Variants in QTRT1 observed in about 807,000 individuals in gnomAD.
QTRT1 encodes the protein TGT, 43-KD subunit.
In QTRT1, 41 loss-of-function variants were observed where a neutral mutation model predicts 44.0. That is an observed-to-expected ratio of 0.93 (90% CI 0.73 to 1.21). The LOEUF (loss-of-function observed/expected upper bound fraction) is 1.21, where lower values mean the gene tolerates loss of function less well. Among genes scored for constraint, QTRT1 ranks in the 50% most tolerant of loss-of-function variants. The pLI is 0.00. For missense variants in QTRT1, 542 were observed against 575.8 expected (o/e 0.94, Z 0.60); for synonymous variants, 226 against 237.1 (o/e 0.95, Z 0.43).
Position 10,713,331 on chromosome 19 carries a change from A to T in QTRT1, c.*61A>T. ...GGGAGGGGCTGGAAGATACTGAAGG[A>T]TTCCTTTTTGAAAGGTTTTTTTTAT... On this transcript the variant is annotated 3_prime_UTR_variant, in exon 10 of 10. Transcript: ENST00000250237. This position sits in a 1 kb window ranked among gnomAD's most constrained non-coding sequence, Gnocchi z 4.3. 1.9e-6 allele frequency: 3 copies of T among 1,568,514 alleles called. No homozygotes were observed. The highest frequency in any genetic ancestry group is 2.6e-6 in the Non-Finnish European group (3 of 1,155,984).
In QTRT1 at chr19:10,701,641, C is replaced by G. The variant is rs1279237800; in HGVS notation, c.181C>G (p.Gln61Glu). 2 of 1,600,180 alleles carry G rather than the reference C, an allele frequency of 1.2e-6. No individual in the cohort carries two copies. Among genetic ancestry groups the G allele is most frequent in the Admixed American group, 1.7e-5 (1 of 58,248 alleles). Residue 61 changes from glutamine (Q) to glutamate (E), a missense_variant, in exon 1 of 10, where the codon CAG becomes GAG. By Grantham distance (29) the Gln-to-Glu change is conservative. Coordinates refer to ENST00000250237, the MANE Select transcript of QTRT1 (RefSeq NM_031209.3). ...CACCATGAAGGGCATCACGACCGAA[C>G]AGCTGGACGCTCTGGGTTGCCGCAT... is the stretch of plus-strand genomic sequence containing the variant. ...QATMKGITTE[Q>E]LDALGCRICL...
chr19:10,708,829 G>A (rs2068726351), intron 5 of QTRT1: 1 of 148,272 alleles, frequency 6.7e-6, no homozygotes, highest in Non-Finnish European at 1.5e-5. Context: ...GCAGTGGCGT[G>A]ATCTCAGGTC....
At position 10,702,108 on chromosome 19, in the gene QTRT1, T is replaced by G; in HGVS notation, c.313-8T>G. 12 of 1,614,102 alleles carry G rather than the reference T, an allele frequency of 7.4e-6. No homozygotes were observed. The highest frequency in any genetic ancestry group is 1.0e-5 in the Non-Finnish European group (12 of 1,179,998). ...CCCCTGACAGCTTTGCGGTGGGGTT[T>G]CCCTTAGGACAGCGGCGGTTTCCAG... is the stretch of plus-strand genomic sequence containing the variant. On this transcript the variant is annotated splice_polypyrimidine_tract_variant and splice_region_variant and intron_variant, in intron 2 of 9. Transcript: ENST00000250237.
In QTRT1 at chr19:10,702,246, A is replaced by T. The variant is rs1568251609; in HGVS notation, c.443A>T (p.Asn148Ile). 2 of 1,613,938 alleles carry T rather than the reference A, an allele frequency of 1.2e-6. No homozygotes were observed. Among genetic ancestry groups the T allele is most frequent in the Admixed American group, 3.3e-5 (2 of 59,988 alleles). The change falls in exon 3 of 10, where the codon AAT (asparagine) becomes ATT (isoleucine). Residue 148 changes from asparagine to isoleucine, a missense_variant. Transcript: ENST00000250237. ...CCGGAGAAATCCGTGCAGATCCAGA[A>T]TGCGCTGGGTGAGAGGACCCTGGGG... ...LSPEKSVQIQNALGSDIIMQL... is the reference protein window; with the variant it reads ...LSPEKSVQIQIALGSDIIMQL...
At chr19:10,701,728 G>A (rs2068689995) in intron 1 of QTRT1, 25 bp downstream of exon 1, 1 of 1,550,326 alleles carries the variant, frequency 6.5e-7, no homozygotes, top group Non-Finnish European at 8.7e-7. Context: ...CCCGCGCGGG[G>A]AGGCGGCGAG....
intron 3 of QTRT1, among the ~76,000 whole-genome samples, chr19:10,706,048 G>T (rs575711469): frequency 6.7e-6 from 1 of 149,780 alleles, no homozygotes; most frequent in African/African-American, 2.5e-5. Context: ...CAGAGACAGG[G>T]TTTCACTGTG....
In QTRT1 at chr19:10,707,164, G is replaced by A. The variant is rs150186668; in HGVS notation, c.452-138G>A. On this transcript the variant is annotated intron_variant, in intron 3 of 9. Transcript: ENST00000250237. Reference sequence around the variant, plus strand: ...CTTCTGGCTGCTGTATAAACAGACCGGGAAAGTCACGTGGGAGTTAGCAAG... The same window carrying A: ...CTTCTGGCTGCTGTATAAACAGACCAGGAAAGTCACGTGGGAGTTAGCAAG... 431 of 801,304 alleles carry A rather than the reference G, an allele frequency of 5.4e-4. 2 individuals carry two copies. The East Asian group carries it at 8.1e-3, about 15-fold the overall frequency. The allele number at this position is 801,304 out of a possible 1,614,324, so 49.6% of individuals were successfully genotyped here.
chr19:10,712,641 CAGAAGGAGG>C lies in QTRT1; in HGVS notation c.861+14_861+22del. On this transcript the variant is annotated intron_variant, in intron 7 of 9. Transcript: ENST00000250237. This position sits in a 1 kb window ranked among gnomAD's most constrained non-coding sequence, Gnocchi z 5.6. ...CACACGGACAGCGGTGAGGCTCTGGCAGAAGGAGGTCAGGGCGGGAGACGGGTGGGGGAC... is the reference window on the plus strand; with the variant it reads ...CACACGGACAGCGGTGAGGCTCTGGCTCAGGGCGGGAGACGGGTGGGGGAC... 6.3e-7 allele frequency: 1 copy of C among 1,595,500 alleles called. No homozygotes were observed. The highest frequency in any genetic ancestry group is 1.1e-5 in the South Asian group (1 of 90,800).
At chr19:10,705,562 A>T (rs934304994) in intron 3 of QTRT1, among the ~76,000 whole-genome samples, 1 of 146,716 alleles carries the variant, frequency 6.8e-6, no homozygotes, top group African/African-American at 2.5e-5. Context: ...TTGAGACACA[A>T]TCTCGCTCTG....
chr19:10,710,648 G>A lies in QTRT1; in HGVS notation c.647-1513G>A, dbSNP rs553164390. Among the ~76,000 whole-genome samples the A allele has an allele frequency of 7.9e-5, 12 of 151,878 alleles. No homozygotes were observed. The East Asian group carries it at 9.8e-4, about 12-fold the overall frequency. On this transcript the variant is annotated intron_variant, in intron 5 of 9. Coordinates refer to ENST00000250237, the MANE Select transcript of QTRT1 (RefSeq NM_031209.3). ...TTTTTAAATTTTACTTTGGCCGGGCGTGGTGGCTCATGCCTGTAATCCTGG... is the reference window on the plus strand; with the variant it reads ...TTTTTAAATTTTACTTTGGCCGGGCATGGTGGCTCATGCCTGTAATCCTGG...
In QTRT1 at chr19:10,701,598, G is replaced by C. The variant is rs1361481852; in HGVS notation, c.138G>C (p.Met46Ile). The C allele has an allele frequency of 6.2e-7, 1 of 1,608,334 alleles. No individual in the cohort carries two copies. Among genetic ancestry groups the C allele is most frequent in the Non-Finnish European group, 8.5e-7 (1 of 1,178,548 alleles). ...PHGTVATPVF[M>I]PVGTQATMKG... ...GGACAGTGGCCACTCCTGTGTTCAT[G>C]CCAGTGGGCACGCAGGCCACCATGA... Residue 46 changes from methionine (M) to isoleucine (I), a missense_variant, in exon 1 of 10, where the codon ATG becomes ATC. Physicochemically the swap from Met to Ile is conservative, Grantham distance 10 (BLOSUM62 1). Transcript: ENST00000250237.
intron 3 of QTRT1, among the ~76,000 whole-genome samples, chr19:10,703,691 G>C (rs1007732516): frequency 4.1e-5 from 6 of 148,138 alleles, no homozygotes; most frequent in Non-Finnish European, 6.0e-5. Flanking sequence ...GCTAATTTTT[G>C]TATTTTCAGT....
Position 10,712,030 on chromosome 19 carries a change from T to C in QTRT1, c.647-131T>C. On this transcript the variant is annotated intron_variant, in intron 5 of 9. Coordinates refer to ENST00000250237, the MANE Select transcript of QTRT1 (RefSeq NM_031209.3). The surrounding 1 kb of genome is among the most constrained non-coding windows in gnomAD (Gnocchi z 5.6). Reference sequence around the variant, plus strand: ...GTCTCCCTCTCCGTCTCTGGCTCTGTCTGTCTGTCTCTGTCTGTTTCTCTG... The same window carrying C: ...GTCTCCCTCTCCGTCTCTGGCTCTGCCTGTCTGTCTCTGTCTGTTTCTCTG... The C allele has an allele frequency of 1.7e-6, 2 of 1,144,214 alleles. No homozygotes were observed. Among genetic ancestry groups the C allele is most frequent in the South Asian group, 2.5e-5 (2 of 78,610 alleles). The allele number at this position is 1,144,214 out of a possible 1,614,324, so 70.9% of individuals were successfully genotyped here.
rs1364871319 is a variant in QTRT1 at position 10,702,909 on chromosome 19, A to AG, written c.451+655_451+656insG. ...CTCAGCCTCCCGAGTAGCTGGGATTACAGGTGTGCGCCACCACACCTGGCT... is the reference window on the plus strand; with the variant it reads ...CTCAGCCTCCCGAGTAGCTGGGATTAGCAGGTGTGCGCCACCACACCTGGCT... On this transcript the variant is annotated intron_variant, in intron 3 of 9. Transcript: ENST00000250237. Among the ~76,000 whole-genome samples the AG allele has an allele frequency of 2.0e-5, 3 of 150,218 alleles. No homozygotes were observed. In the East Asian group the frequency reaches 5.9e-4, roughly 29 times the overall value.
In QTRT1 at chr19:10,712,132, G is replaced by T. The variant is rs773338975; in HGVS notation, c.647-29G>T. ...GAAGACCAGGCGCATTTCCTCTTCTGTGGCCCTCACCTTACCCTGTACCCT... is the reference window on the plus strand; with the variant it reads ...GAAGACCAGGCGCATTTCCTCTTCTTTGGCCCTCACCTTACCCTGTACCCT... On this transcript the variant is annotated intron_variant, in intron 5 of 9. Coordinates refer to ENST00000250237, the MANE Select transcript of QTRT1 (RefSeq NM_031209.3). This position sits in a 1 kb window ranked among gnomAD's most constrained non-coding sequence, Gnocchi z 5.6. 1 of 1,610,882 alleles carries T rather than the reference G, an allele frequency of 6.2e-7. No individual in the cohort carries two copies. The highest frequency in any genetic ancestry group is 8.5e-7 in the Non-Finnish European group (1 of 1,180,002).
rs187188761 is a variant in QTRT1, at chr19:10,704,043, C to T, written c.451+1789C>T. Among the ~76,000 whole-genome samples, 25 of 151,732 alleles carry T rather than the reference C, an allele frequency of 1.6e-4. No homozygotes were observed. In the East Asian group the frequency reaches 2.9e-3, roughly 18 times the overall value. The stretch of plus-strand genomic sequence containing the variant: ...TGTATTTTTAGTAGAGACAGGGTTT[C>T]GCCATGTTGGCCAGGCTGGTCTTGA... On this transcript the variant is annotated intron_variant, in intron 3 of 9. Transcript: ENST00000250237.
intron 5 of QTRT1, chr19:10,711,846 G>GT (rs2068740049): frequency 2.2e-6 from 1 of 463,182 alleles, no homozygotes; most frequent in Admixed American, 3.8e-5. Context: ...GGTTCCAACA[G>GT]TTTCAGCTAA....
intron 5 of QTRT1, among the ~76,000 whole-genome samples, chr19:10,708,762 T>C (rs966325839): frequency 6.6e-6 from 1 of 151,136 alleles, no homozygotes; most frequent in African/African-American, 2.4e-5. Context: ...CCTTTTTTTT[T>C]TTTTCTTTTT....
chr19:10,702,029 G>A lies in QTRT1; in HGVS notation c.312+11G>A, dbSNP rs1190589866. The A allele has an allele frequency of 1.2e-6, 2 of 1,614,232 alleles. No individual in the cohort carries two copies. The highest frequency in any genetic ancestry group is 1.7e-5 in the Admixed American group (1 of 60,022). On this transcript the variant is annotated intron_variant, in intron 2 of 9. Transcript: ENST00000250237. ...CATAATCTGCTAACGGTGAGCTGAGGAGAGAGCCGACGTTCTAGGGCCCTT... is the reference window on the plus strand; with the variant it reads ...CATAATCTGCTAACGGTGAGCTGAGAAGAGAGCCGACGTTCTAGGGCCCTT...
Sources: gnomAD v4.1 joint callset for allele counts (sites outside exome capture counted in the v4.1 genomes callset) on GRCh38, gnomAD v4.1.1 for gene constraint, Gnocchi (gnomAD v3.1) non-coding constraint, MANE v1.5 for transcripts, NCBI Gene and HGNC (gene_info 2026-07-23, HGNC 2026-07-21) for gene names.